Variants in ADGRL3 observed in about 807,000 individuals in gnomAD.
ADGRL3 encodes the protein adhesion G protein-coupled receptor L3, also known as calcium-independent alpha-latrotoxin receptor 3.
A neutral mutation model predicts 153.5 loss-of-function variants in ADGRL3; 62 were observed. The observed-to-expected ratio is 0.40, with a 90% confidence interval of 0.33 to 0.50. The LOEUF (loss-of-function observed/expected upper bound fraction) is 0.50. Ranked by LOEUF, ADGRL3 falls within the 20% of genes least tolerant of loss-of-function variation. The pLI is 0.47. For synonymous variants in ADGRL3, 710 were observed against 672.5 expected (o/e 1.06, Z -0.86); for missense variants, 1,641 against 1,859.4 (o/e 0.88, Z 2.16).
intron 12 of ADGRL3, among the ~76,000 whole-genome samples, chr4:61,911,529 C>A (rs1350904895): frequency 6.6e-6 from 1 of 152,118 alleles, no homozygotes; most frequent in Non-Finnish European, 1.5e-5. Flanking sequence ...GTGGTTCTCA[C>A]TTTCCCTGAA....
At chr4:61,993,674 G>C (rs763181814) in intron 19 of ADGRL3, among the ~76,000 whole-genome samples, 1 of 151,702 alleles carries the variant, frequency 6.6e-6, no homozygotes, top group Non-Finnish European at 1.5e-5. Context: ...CCTTCCCCAA[G>C]AGTTTCTTTT....
At chr4:62,045,573 A>G (rs911038403) in intron 25 of ADGRL3, among the ~76,000 whole-genome samples, 2 of 152,038 alleles carry the variant, frequency 1.3e-5, no homozygotes, top group Non-Finnish European at 2.9e-5. Context: ...TTCAGATGCT[A>G]GTACTCTCAA....
chr4:61,981,301 A>C (rs911869563), intron 18 of ADGRL3, among the ~76,000 whole-genome samples: 4 of 152,208 alleles, frequency 2.6e-5, no homozygotes, highest in African/African-American at 9.7e-5. Flanking sequence ...ATATGCCTTA[A>C]AAACAGCCAA....
At chr4:61,317,723 C>T (rs937549205) in intron 1 of ADGRL3, among the ~76,000 whole-genome samples, 1 of 152,136 alleles carries the variant, frequency 6.6e-6, no homozygotes, top group African/African-American at 2.4e-5. Context: ...AAGATTGTAG[C>T]TTCTATCCTA....
chr4:61,869,993 A>G lies in ADGRL3; in HGVS notation c.1481-22663A>G, dbSNP rs959321341. Among the ~76,000 whole-genome samples the G allele has an allele frequency of 7.4e-5, 9 of 122,298 alleles. No homozygotes were observed. In the East Asian group the frequency reaches 1.6e-3, roughly 22 times the overall value. 80.2% of individuals were successfully genotyped at this position (122,298 alleles called of 152,430 possible). A position where few individuals can be genotyped will look rare whatever the true frequency, so the allele number is the denominator to read the frequency against. ...GAGAGAGAAAGAGAGAGAGAGAGGG[A>G]GAGAGAGAGAGAGAGAGAAAGGAAA... On this transcript the variant is annotated intron_variant, in intron 9 of 26. Coordinates refer to ENST00000683033, the MANE Select transcript of ADGRL3 (RefSeq NM_001387552.1).
At chr4:61,978,931 A>C (rs1168305802) in intron 17 of ADGRL3, among the ~76,000 whole-genome samples, 1 of 152,190 alleles carries the variant, frequency 6.6e-6, no homozygotes, top group African/African-American at 2.4e-5. Flanking sequence ...ATTCAATATG[A>C]ATATAAATCC....
At chr4:61,897,484 T>C (rs1343957537) in intron 11 of ADGRL3, among the ~76,000 whole-genome samples, 2 of 152,172 alleles carry the variant, frequency 1.3e-5, no homozygotes, top group African/African-American at 2.4e-5. Flanking sequence ...CATGGATAGC[T>C]TATGATTGGC....
intron 6 of ADGRL3, among the ~76,000 whole-genome samples, chr4:61,714,745 G>A (rs1256898296): frequency 1.3e-5 from 2 of 152,076 alleles, no homozygotes; most frequent in African/African-American, 2.4e-5. Flanking sequence ...ACAGAATTTG[G>A]TTCTTCTTGC....
At chr4:61,426,980 T>C (rs2152384202) in intron 2 of ADGRL3, 1 of 152,260 alleles carries the variant, frequency 6.6e-6, no homozygotes, top group Admixed American at 6.5e-5. Flanking sequence ...AGGGGTACCT[T>C]CCCCTTTTTT....
At chr4:61,987,591 T>C (rs1560471225) in intron 19 of ADGRL3, among the ~76,000 whole-genome samples, 2 of 152,182 alleles carry the variant, frequency 1.3e-5, no homozygotes, top group African/African-American at 2.4e-5. Context: ...CCCTATGTAC[T>C]ACACTGATTC....
chr4:61,266,189 C>T (rs979976175), intron 1 of ADGRL3, among the ~76,000 whole-genome samples: 2 of 151,744 alleles, frequency 1.3e-5, no homozygotes, highest in African/African-American at 2.4e-5. Context: ...CCTCTAGCCA[C>T]CCTGAACGAT....
intron 1 of ADGRL3, among the ~76,000 whole-genome samples, chr4:61,300,764 C>CTTTTTT (rs1304409504): frequency 1.8e-5 from 2 of 111,494 alleles, no homozygotes; most frequent in Non-Finnish European, 3.7e-5. Context: ...TCTTTTCTTT[C>CTTTTTT]TTTCTTTTTT....
At chr4:61,705,416 A>G (rs2095840293) in intron 6 of ADGRL3, among the ~76,000 whole-genome samples, 1 of 149,138 alleles carries the variant, frequency 6.7e-6, no homozygotes, top group African/African-American at 2.4e-5. Context: ...TATATTAGAT[A>G]TACATGTTAT....
At chr4:61,630,526 T>C (rs189047314) in intron 5 of ADGRL3, among the ~76,000 whole-genome samples, 2 of 152,350 alleles carry the variant, frequency 1.3e-5, no homozygotes, top group South Asian at 2.1e-4. Flanking sequence ...TCACTCTTTC[T>C]CTTTTTATCC....
At chr4:61,487,510 A>G (rs1460010285) in intron 2 of ADGRL3, among the ~76,000 whole-genome samples, 1 of 152,104 alleles carries the variant, frequency 6.6e-6, no homozygotes, top group Non-Finnish European at 1.5e-5. Context: ...TTTTGGAATA[A>G]ATTCATACAT....
chr4:61,748,518 A>C (rs2096705321), intron 8 of ADGRL3, among the ~76,000 whole-genome samples: 1 of 152,116 alleles, frequency 6.6e-6, no homozygotes, highest in South Asian at 2.1e-4. Context: ...AGAGATATAG[A>C]TCAATGGAAC....
At chr4:61,337,178 T>C (rs916409960) in intron 1 of ADGRL3, among the ~76,000 whole-genome samples, 1 of 152,152 alleles carries the variant, frequency 6.6e-6, no homozygotes, top group Non-Finnish European at 1.5e-5. Context: ...TCCTGTAGAA[T>C]TCTTAGCTCT....
intron 1 of ADGRL3, among the ~76,000 whole-genome samples, chr4:61,330,123 T>C (rs959342896): frequency 2.0e-5 from 3 of 152,188 alleles, no homozygotes. Flanking sequence ...TGAAGTTTTC[T>C]TTTTTATTTC....
intron 1 of ADGRL3, among the ~76,000 whole-genome samples, chr4:61,217,278 C>G (rs370814230): frequency 1.3e-5 from 2 of 152,144 alleles, no homozygotes; most frequent in African/African-American, 4.8e-5. Flanking sequence ...CAGACCTTGC[C>G]TGAGCTGGGT....
Sources: allele counts gnomAD v4.1 joint callset (sites outside exome capture counted in the v4.1 genomes callset), GRCh38; gene constraint gnomAD v4.1.1; transcripts MANE v1.5; gene names NCBI Gene and HGNC (gene_info 2026-07-23, HGNC 2026-07-21).